The following PRKD2 variants were observed in gnomAD, a reference collection of about 807,000 sequenced individuals.
The protein encoded by PRKD2 is protein kinase D2, also known as serine/threonine-protein kinase D2.
Under a neutral mutation model 86.0 loss-of-function variants are expected in PRKD2, and 22 were observed. That is an observed-to-expected ratio of 0.26 (90% confidence interval 0.18 to 0.37). PRKD2 has a LOEUF of 0.37. Among genes scored for constraint, PRKD2 ranks in the 10% least tolerant of loss-of-function variants. The pLI, the probability that PRKD2 is intolerant of heterozygous loss-of-function variation, is 1.00. For synonymous variants in PRKD2, 509 were observed against 510.9 expected, an observed-to-expected ratio of 1.00 and a Z score of 0.05; for missense variants, 818 against 1,199.2, an observed-to-expected ratio of 0.68 and a Z score of 4.70.
Position 46,674,702 on chromosome 19 carries a change from C to G in PRKD2, c.2458G>C (p.Glu820Gln), listed in dbSNP as rs780442730. ...ATGTATCGCTCTCCCATCTTCCCCTCCAGCTCTCGGAGGTCCAGCCACGTC... is the reference window on the plus strand; with the variant it reads ...ATGTATCGCTCTCCCATCTTCCCCTGCAGCTCTCGGAGGTCCAGCCACGTC... ...YQTWLDLRELEGKMGERYITH... is the reference protein window; with the variant it reads ...YQTWLDLRELQGKMGERYITH... The change falls in exon 18 of 18, where the codon GAG (glutamate) becomes CAG (glutamine). Residue 820 changes from glutamate (E) to glutamine (Q), a missense_variant. Glu to Gln is a conservative substitution (Grantham distance 29). Transcript: ENST00000291281. 1.6e-5 allele frequency: 26 copies of G among 1,605,836 alleles called. No individual in the cohort carries two copies. The highest frequency in any genetic ancestry group is 3.3e-5 in the Admixed American group (2 of 59,992).
Position 46,700,802 on chromosome 19 carries a change from T to C in PRKD2, c.1118A>G (p.Gln373Arg), listed in dbSNP as rs1474936936. 2 of 1,614,066 alleles carry C rather than the reference T, an allele frequency of 1.2e-6. No homozygotes were observed. The highest frequency in any genetic ancestry group is 3.3e-5 in the Admixed American group (2 of 60,024). ...TCTTGGAGGGTTCTGTGTATACCTCTGGGCCTTGCCTCCCTCGCCTTCCTC... is the reference window on the plus strand; with the variant it reads ...TCTTGGAGGGTTCTGTGTATACCTCCGGGCCTTGCCTCCCTCGCCTTCCTC... ...EEEEGEGGKA[Q>R]SSLGYIPLMR... Residue 373 changes from glutamine (Q) to arginine (R), a missense_variant, in exon 7 of 18, where the codon CAG (glutamine) becomes CGG (arginine). By Grantham distance (43) the Gln-to-Arg change is conservative (BLOSUM62 1). This residue lies in a region of PRKD2 where 403 missense variants were observed against 518.6 expected (regional missense o/e 0.78). Transcript: ENST00000291281.
chr19:46,701,449 C>A (rs1488007136), intron 5 of PRKD2, among the ~76,000 whole-genome samples: 1 of 151,530 alleles, frequency 6.6e-6, no homozygotes, highest in African/African-American at 2.4e-5. Context: ...GGTAAAACCT[C>A]GTCTCTACTA....
intron 15 of PRKD2, among the ~76,000 whole-genome samples, chr19:46,679,341 A>C (rs2053261205): frequency 6.9e-6 from 1 of 144,808 alleles, no homozygotes; most frequent in African/African-American, 2.4e-5. Flanking sequence ...AAAAACAAAC[A>C]AAAAAAACAT....
At chr19:46,695,046 TA>T (rs1050678667) in intron 9 of PRKD2, among the ~76,000 whole-genome samples, 1 of 149,504 alleles carries the variant, frequency 6.7e-6, no homozygotes, top group Non-Finnish European at 1.5e-5. Context: ...CTACAAAAAA[TA>T]AAAAAACTAG....
In PRKD2 at chr19:46,680,944, ATATTTT is replaced by A. The variant is rs1568714636; in HGVS notation, c.2070+700_2070+705del. Reference sequence around the variant, plus strand: ...ATAAACTATATATATATATATATATATATTTTTTTTTTTTTTTTTGAGACAGAGTCT... The same window carrying A: ...ATAAACTATATATATATATATATATATTTTTTTTTTTTTGAGACAGAGTCT... On this transcript the variant is annotated intron_variant, in intron 15 of 17. Coordinates refer to ENST00000291281, the MANE Select transcript of PRKD2 (RefSeq NM_016457.5). 9.3e-5 allele frequency among the ~76,000 whole-genome samples: 4 copies of A among 43,080 alleles called. No individual in the cohort carries two copies. The South Asian group carries it at 4.0e-3, about 43-fold the overall frequency. 28.3% of individuals were successfully genotyped at this position (43,080 alleles called of 152,430 possible).
chr19:46,716,180 G>A lies in PRKD2; in HGVS notation c.191C>T (p.Ser64Phe). Residue 64 changes from serine to phenylalanine, a missense_variant, in exon 1 of 18, where the codon TCC becomes TTC. Physicochemically the swap from Ser to Phe is radical, Grantham distance 155. Around this residue, in one of 5 missense-constraint regions of PRKD2, gnomAD observed 403 missense variants for 518.6 expected, o/e 0.78. Transcript: ENST00000291281. The surrounding 1 kb of genome is among the most constrained non-coding windows in gnomAD (Gnocchi z 7.9). The part of the protein sequence containing the change: ...TREFVLLPAA[S>F]ELAHVKQLAC... ...CAGCTGCTTCACATGAGCCAGCTCG[G>A]AGGCGGCGGGCAACAGCACGAACTC... 3.7e-6 allele frequency: 6 copies of A among 1,611,516 alleles called. No homozygotes were observed. The highest frequency in any genetic ancestry group is 5.1e-6 in the Non-Finnish European group (6 of 1,179,414).
intron 3 of PRKD2, among the ~76,000 whole-genome samples, chr19:46,708,096 T>G (rs984889648): frequency 2.0e-5 from 3 of 151,986 alleles, no homozygotes; most frequent in African/African-American, 7.3e-5. Flanking sequence ...AGACGCTGTC[T>G]CCAAAAAAGA....
rs199865430 is a variant in PRKD2, at chr19:46,701,024, C to T, written c.967+11G>A. 2 of 1,614,248 alleles carry T rather than the reference C, an allele frequency of 1.2e-6. No homozygotes were observed. The highest frequency in any genetic ancestry group is 1.3e-5 in the African/African-American group (1 of 75,076). ...TTCCCCTTTCTCCCCAGCATCCCCC[C>T]AGCCTCTCACCTCCATTGATAAGGG... On this transcript the variant is annotated intron_variant, in intron 6 of 17. Transcript: ENST00000291281.
intron 5 of PRKD2, 87 bp from the exon 6 acceptor site, chr19:46,701,199 CAA>C: frequency 7.2e-7 from 1 of 1,381,162 alleles, no homozygotes; most frequent in Non-Finnish European, 1.0e-6. Context: ...GCCTCAGGCT[CAA>C]AAGAGTCTAC....
At chr19:46,702,159 C>T (rs2053646251) in intron 5 of PRKD2, among the ~76,000 whole-genome samples, 1 of 151,794 alleles carries the variant, frequency 6.6e-6, no homozygotes. Context: ...CCACCTCAGC[C>T]TCCTGAGTAG....
Position 46,680,131 on chromosome 19 carries a change from C to G in PRKD2, c.2071-1468G>C, listed in dbSNP as rs567205078. 2.6e-5 allele frequency among the ~76,000 whole-genome samples: 4 copies of G among 152,266 alleles called. No homozygotes were observed. The East Asian group carries it at 7.7e-4, about 29-fold the overall frequency. On this transcript the variant is annotated intron_variant, in intron 15 of 17. Coordinates refer to ENST00000291281, the MANE Select transcript of PRKD2 (RefSeq NM_016457.5). ...GCCCCAAATCCTTGAAGCCTGAAGC[C>G]TCTGTCACCTTTGAAACCAGCCACG...
chr19:46,700,846 C>CGCATT lies in PRKD2; in HGVS notation c.1069_1073dup (p.Leu359MetfsTer25). 6.2e-7 allele frequency: 1 copy of CGCATT among 1,614,244 alleles called. No individual in the cohort carries two copies. ...CTTCCTCCTCCTCACTGGCGTGGAG[C>CGCATT]GCATTCTCTGAGTGGGAGCCAGGGA... On this transcript the variant is annotated frameshift_variant, in exon 7 of 18. Transcript: ENST00000291281. LOFTEE classifies it high-confidence loss of function.
chr19:46,678,163 T>TG lies in PRKD2; in HGVS notation c.2338+232dup, dbSNP rs2053239160. ...AGGTTCCAAGTGTCCTCAGCGCTTCTGGGGCACTTGGTTTCCAGCCCAAGT... is the reference window on the plus strand; with the variant it reads ...AGGTTCCAAGTGTCCTCAGCGCTTCTGGGGGCACTTGGTTTCCAGCCCAAGT... On this transcript the variant is annotated intron_variant, in intron 16 of 17. Transcript: ENST00000291281. The surrounding 1 kb of genome is among the most constrained non-coding windows in gnomAD (Gnocchi z 5.7). Among the ~76,000 whole-genome samples, 3 of 152,160 alleles carry TG rather than the reference T, an allele frequency of 2.0e-5. No homozygotes were observed.
chr19:46,712,778 TG>T (rs1468084655), intron 2 of PRKD2, among the ~76,000 whole-genome samples: 1 of 152,200 alleles, frequency 6.6e-6, no homozygotes, highest in African/African-American at 2.4e-5. Flanking sequence ...AAAAGGCAGC[TG>T]CCCCCACCCT....
intron 7 of PRKD2, 145 bp downstream of exon 7, chr19:46,700,654 T>A: frequency 2.8e-6 from 3 of 1,057,786 alleles, no homozygotes; most frequent in African/African-American, 1.6e-5. Context: ...TTAAAAAAAA[T>A]TGTAGTGCTT....
At position 46,675,234 on chromosome 19, in the gene PRKD2, G is replaced by A. The variant is rs1297246075; in HGVS notation, c.2339-116C>T. 3 of 852,736 alleles carry A rather than the reference G, an allele frequency of 3.5e-6. No homozygotes were observed. The South Asian group carries it at 4.8e-5, about 14-fold the overall frequency. The allele number at this position is 852,736 out of a possible 1,614,324, so 52.8% of individuals were successfully genotyped here. A position where few individuals can be genotyped will look rare whatever the true frequency, so the allele number is the denominator to read the frequency against. The stretch of plus-strand genomic sequence containing the variant: ...ACACCTTCCTTCTGCACCAGCTCAG[G>A]TGGCTCAGAAGCCTCACCTGTGCCA... On this transcript the variant is annotated intron_variant, in intron 16 of 17. Coordinates refer to ENST00000291281, the MANE Select transcript of PRKD2 (RefSeq NM_016457.5).
Position 46,693,738 on chromosome 19 carries a change from C to A in PRKD2, c.1576+137G>T. 7.6e-7 allele frequency: 1 copy of A among 1,310,280 alleles called. No individual in the cohort carries two copies. 81.2% of individuals were successfully genotyped at this position (1,310,280 alleles called of 1,614,324 possible). ...ACAGGAGTGATTAACAGAGTTTGAA[C>A]CCAGGCCTGCTGAGTCCAGAAGCTG... On this transcript the variant is annotated intron_variant, in intron 10 of 17. Coordinates refer to ENST00000291281, the MANE Select transcript of PRKD2 (RefSeq NM_016457.5). This position sits in a 1 kb window ranked among gnomAD's most constrained non-coding sequence, Gnocchi z 4.5.
intron 1 of PRKD2, among the ~76,000 whole-genome samples, chr19:46,714,823 G>A (rs2053862801): frequency 6.6e-6 from 1 of 152,222 alleles, no homozygotes; most frequent in Non-Finnish European, 1.5e-5. Flanking sequence ...AGTTGGGGTG[G>A]TGAGCTGGGC....
chr19:46,693,956 C>T lies in PRKD2; in HGVS notation c.1495G>A (p.Gly499Ser), dbSNP rs977555608. The T allele has an allele frequency of 6.2e-7, 1 of 1,612,054 alleles. No homozygotes were observed. The highest frequency in any genetic ancestry group is 1.1e-5 in the South Asian group (1 of 91,062). The change falls in exon 10 of 18, where the codon GGC (glycine) becomes AGC (serine). Residue 499 changes from glycine to serine, a missense_variant. Transcript: ENST00000291281. The surrounding 1 kb of genome is among the most constrained non-coding windows in gnomAD (Gnocchi z 4.5). ...GCCTGGCGGATGGCTGTCTCCCAGC[C>T]CCGGGCGGCCTCAGCCCCCTGCCCA... The part of the protein sequence containing the change: ...PSGQGAEAAR[G>S]WETAIRQALM...
Sources: allele counts gnomAD v4.1 joint callset (sites outside exome capture counted in the v4.1 genomes callset), GRCh38; gene constraint gnomAD v4.1.1; regional missense constraint gnomAD v4.1.1; non-coding constraint Gnocchi (gnomAD v3.1); transcripts MANE v1.5; gene names NCBI Gene and HGNC (gene_info 2026-07-23, HGNC 2026-07-21).